DDR2: variants seen among roughly 807,000 people sequenced by gnomAD.
DDR2 encodes the protein discoidin domain receptor tyrosine kinase 2, also known as discoidin domain-containing receptor 2.
A neutral mutation model predicts 94.9 loss-of-function variants in DDR2; 27 were observed. The observed-to-expected ratio is 0.28, with a 90% CI of 0.21 to 0.39. The LOEUF is 0.39. Among genes scored for constraint, DDR2 ranks in the 10% least tolerant of loss-of-function variants. The pLI is 1.00. For missense variants in DDR2, 783 were observed against 1,076.0 expected (o/e 0.73, Z 3.81); for synonymous variants, 382 against 377.2 (o/e 1.01, Z -0.15).
intron 12 of DDR2, 21 bp downstream of exon 12, chr1:162,770,533 AG>A (rs770954750): frequency 3.7e-6 from 6 of 1,609,944 alleles, no homozygotes; most frequent in Non-Finnish European, 5.1e-6. Flanking sequence ...TGTGGTGGGC[AG>A]GGTGTCAAGG....
intron 3 of DDR2, chr1:162,741,837 T>G: frequency 1.3e-6 from 1 of 751,934 alleles, no homozygotes; most frequent in Non-Finnish European, 1.6e-6. Flanking sequence ...CTTTATTCAT[T>G]AAGTCACTGG....
At chr1:162,776,422 C>T (rs2102200482) in intron 16 of DDR2, 52 bp downstream of exon 16, 1 of 1,570,972 alleles carries the variant, frequency 6.4e-7, no homozygotes. Flanking sequence ...TGTGGGCTCA[C>T]ATGCATGACA....
At chr1:162,718,408 G>A (rs372130669) in intron 2 of DDR2, among the ~76,000 whole-genome samples, 4 of 152,262 alleles carry the variant, frequency 2.6e-5, no homozygotes, top group South Asian at 4.1e-4. Flanking sequence ...GAACATATGT[G>A]TGTATACTAA....
chr1:162,712,084 G>A (rs1660941660), intron 2 of DDR2, among the ~76,000 whole-genome samples: 1 of 151,612 alleles, frequency 6.6e-6, no homozygotes, highest in African/African-American at 2.4e-5. Flanking sequence ...TCCTAGCTGT[G>A]TCCCCATACC....
chr1:162,771,705 C>T (rs895512406), intron 12 of DDR2, among the ~76,000 whole-genome samples: 1 of 152,102 alleles, frequency 6.6e-6, no homozygotes, highest in African/African-American at 2.4e-5. Context: ...AGTTATTAAA[C>T]CTTCAACCTT....
chr1:162,684,148 G>A (rs1038588503), intron 2 of DDR2, among the ~76,000 whole-genome samples: 1 of 152,134 alleles, frequency 6.6e-6, no homozygotes, highest in African/African-American at 2.4e-5. Context: ...GGAAGCCCAG[G>A]TTTAGGTCCT....
chr1:162,773,388 A>G (rs1647340459), intron 13 of DDR2, 81 bp from the exon 14 acceptor site: 3 of 1,592,848 alleles, frequency 1.9e-6, no homozygotes, highest in Non-Finnish European at 1.7e-6. Flanking sequence ...GAGTTAGTTT[A>G]TCTCCAGGAA....
intron 3 of DDR2, among the ~76,000 whole-genome samples, chr1:162,733,576 C>T (rs540507445): frequency 2.2e-4 from 34 of 152,318 alleles, no homozygotes; most frequent in African/African-American, 7.9e-4. Flanking sequence ...TGTCTATCCT[C>T]ATCCTTATAT....
chr1:162,641,776 A>G (rs1557999868), intron 1 of DDR2, among the ~76,000 whole-genome samples: 1 of 152,212 alleles, frequency 6.6e-6, no homozygotes, highest in Non-Finnish European at 1.5e-5. Flanking sequence ...TGGCCTAAGT[A>G]CTGGACTTAC....
intron 1 of DDR2, among the ~76,000 whole-genome samples, chr1:162,633,043 T>C (rs1287813799): frequency 1.3e-5 from 2 of 152,212 alleles, no homozygotes; most frequent in Non-Finnish European, 1.5e-5. Context: ...TAGAAGGTCC[T>C]GAGTTTTGGA....
At chr1:162,775,505 T>C (rs1463908359) in intron 14 of DDR2, 147 bp from the exon 15 acceptor site, 1 of 751,832 alleles carries the variant, frequency 1.3e-6, no homozygotes, top group Non-Finnish European at 2.3e-6. Context: ...CAGATCCAGG[T>C]GTCAATTTCT....
chr1:162,663,366 C>T lies in DDR2; in HGVS notation c.-28+7992C>T, dbSNP rs533586861. Among the ~76,000 whole-genome samples, 47 of 152,292 alleles carry T rather than the reference C, an allele frequency of 3.1e-4. 1 individual carries two copies. In the South Asian group the frequency reaches 7.5e-3, roughly 24 times the overall value. On this transcript the variant is annotated intron_variant, in intron 2 of 17. Transcript: ENST00000367921. Reference sequence around the variant, plus strand: ...GATTCCATAGTGCTTAATGCACTGGCTACCCCTTAAAAAACCTATAGAGCT... The same window carrying T: ...GATTCCATAGTGCTTAATGCACTGGTTACCCCTTAAAAAACCTATAGAGCT...
intron 2 of DDR2, among the ~76,000 whole-genome samples, chr1:162,684,717 C>A (rs1291461861): frequency 3.3e-5 from 5 of 151,910 alleles, no homozygotes; most frequent in South Asian, 2.1e-4. Flanking sequence ...AAACCAACCA[C>A]CCAAAGAGGA....
intron 11 of DDR2, 53 bp from the exon 12 acceptor site, chr1:162,770,249 A>G: frequency 6.4e-7 from 1 of 1,557,828 alleles, no homozygotes; most frequent in Admixed American, 1.7e-5. Flanking sequence ...AAGAGGAGGC[A>G]TTGACCATCT....
chr1:162,768,653 A>G (rs1402258063), intron 11 of DDR2, among the ~76,000 whole-genome samples: 3 of 152,164 alleles, frequency 2.0e-5, no homozygotes, highest in Non-Finnish European at 2.9e-5. Context: ...GTAGCCTGCA[A>G]TTCCTTCTGA....
chr1:162,762,717 G>A (rs758665878), intron 9 of DDR2, among the ~76,000 whole-genome samples: 4 of 152,148 alleles, frequency 2.6e-5, no homozygotes, highest in Non-Finnish European at 4.4e-5. Flanking sequence ...ACTTGATACC[G>A]TAGCAACCCT....
At position 162,754,847 on chromosome 1, in the gene DDR2, G is replaced by A. The variant is rs535402738; in HGVS notation, c.409G>A (p.Gly137Arg). 5.6e-6 allele frequency: 9 copies of A among 1,613,978 alleles called. No homozygotes were observed. The highest frequency in any genetic ancestry group is 3.3e-5 in the South Asian group (3 of 91,056). The change falls in exon 5 of 18, where the codon GGG (glycine) becomes AGG (arginine). Residue 137 changes from glycine to arginine, a missense_variant. By Grantham distance (125) the Gly-to-Arg change is moderately radical. Coordinates refer to ENST00000367921, the MANE Select transcript of DDR2 (RefSeq NM_006182.4). ...TRWISWRNRHGKQVLDGNSNP... is the reference protein window; with the variant it reads ...TRWISWRNRHRKQVLDGNSNP... ...CTGGATCTCTTGGCGGAACCGTCAT[G>A]GGAAACAGGTAGGAAGAAGAGACAT...
Position 162,781,237 on chromosome 1 carries a change from G to A in DDR2, c.*991G>A, listed in dbSNP as rs538493047. On this transcript the variant is annotated 3_prime_UTR_variant, in exon 18 of 18. Coordinates refer to ENST00000367921, the MANE Select transcript of DDR2 (RefSeq NM_006182.4). ...CAAATCTTCTAGCATTTTCAAGGAT[G>A]AAGCCTCTGTGGGATCTTTGGGCTT... 1 of 152,332 alleles carries A rather than the reference G, an allele frequency of 6.6e-6. No homozygotes were observed. Among genetic ancestry groups the A allele is most frequent in the Admixed American group, 6.5e-5 (1 of 15,302 alleles). 9.4% of individuals were successfully genotyped at this position (152,332 alleles called of 1,614,324 possible). A position where few individuals can be genotyped will look rare whatever the true frequency, so the allele number is the denominator to read the frequency against.
At chr1:162,664,310 A>G (rs1202086793) in intron 2 of DDR2, among the ~76,000 whole-genome samples, 1 of 152,178 alleles carries the variant, frequency 6.6e-6, no homozygotes, top group African/African-American at 2.4e-5. Flanking sequence ...AATCAGAAAT[A>G]GAAACAAATT....
Sources: allele counts gnomAD v4.1 joint callset (sites outside exome capture counted in the v4.1 genomes callset), GRCh38; gene constraint gnomAD v4.1.1; transcripts MANE v1.5; gene names NCBI Gene and HGNC (gene_info 2026-07-23, HGNC 2026-07-21).